Variants in RET observed in about 807,000 individuals in gnomAD.
RET encodes ret proto-oncogene.
In RET, 19 loss-of-function variants were observed where a neutral mutation model predicts 118.3. The ratio of observed to expected loss-of-function variants is 0.16; its 90% CI spans 0.11 to 0.24. The LOEUF (loss-of-function observed/expected upper bound fraction) is 0.24. Ranked by LOEUF, RET falls within the 10% of genes least tolerant of loss-of-function variation. The probability of loss-of-function intolerance (pLI) is 1.00; values close to 1 mark genes in which losing one functional copy is unlikely to be tolerated. For missense variants in RET, 1,219 were observed against 1,502.1 expected (o/e 0.81, Z 3.12); for synonymous variants, 597 against 644.1 (o/e 0.93, Z 1.11).
intron 2 of RET, 62 bp from the exon 3 acceptor site, chr10:43,102,280 C>G: frequency 7.5e-6 from 12 of 1,601,570 alleles, no homozygotes; most frequent in Non-Finnish European, 1.0e-5. Context: ...CTGCCTCCTC[C>G]CCATTCCCGA....
At chr10:43,078,167 G>A (rs1293496414) in intron 1 of RET, among the ~76,000 whole-genome samples, 2 of 152,238 alleles carry the variant, frequency 1.3e-5, no homozygotes, top group Non-Finnish European at 2.9e-5. Flanking sequence ...CTCTGGCAGA[G>A]TGAGCCGCAA....
intron 1 of RET, among the ~76,000 whole-genome samples, chr10:43,080,474 G>C (rs188369909): frequency 8.5e-5 from 13 of 152,352 alleles, no homozygotes; most frequent in Admixed American, 2.0e-4. Flanking sequence ...GGTTCTCATA[G>C]CCTATGGACT....
chr10:43,126,533 G>T lies in RET; in HGVS notation c.3040-42G>T, dbSNP rs374740703. ...GTTGTATACTGAGTTGTATCTAGTT[G>T]TGGCACATGGCTTGGAGTGACCGGC... On this transcript the variant is annotated intron_variant, in intron 18 of 19. Transcript: ENST00000355710. 13 of 1,555,370 alleles carry T rather than the reference G, an allele frequency of 8.4e-6. No individual in the cohort carries two copies. In the African/African-American group the frequency reaches 1.5e-4, roughly 18 times the overall value.
Position 43,077,349 on chromosome 10 carries a change from C to A in RET, c.73+18C>A. 1 of 1,505,074 alleles carries A rather than the reference C, an allele frequency of 6.6e-7. No homozygotes were observed. Among genetic ancestry groups the A allele is most frequent in the East Asian group, 2.6e-5 (1 of 37,842 alleles). 93.2% of individuals were successfully genotyped at this position (1,505,074 alleles called of 1,614,324 possible). ...AGGCAAAGGTGAGTTCTGCCGGCCG[C>A]CGGCTCCCGCAGGGGCCAGGGCGAA... On this transcript the variant is annotated intron_variant, in intron 1 of 19. Transcript: ENST00000355710.
chr10:43,127,936 T>C (rs1838370717), intron 19 of RET, among the ~76,000 whole-genome samples, 176 bp from the exon 20 acceptor site: 1 of 152,192 alleles, frequency 6.6e-6, no homozygotes. Flanking sequence ...GCACATGATA[T>C]TTCCCCTAAC....
At chr10:43,084,756 T>C (rs1033663281) in intron 1 of RET, among the ~76,000 whole-genome samples, 2 of 152,158 alleles carry the variant, frequency 1.3e-5, no homozygotes, top group African/African-American at 4.8e-5. Flanking sequence ...AGACCTGGAC[T>C]CTGAGGCCAC....
At chr10:43,125,356 A>AG (rs1838307306) in intron 18 of RET, among the ~76,000 whole-genome samples, 1 of 152,178 alleles carries the variant, frequency 6.6e-6, no homozygotes, top group Non-Finnish European at 1.5e-5. Flanking sequence ...CGGCTGGAGG[A>AG]GGGCAGTGAG....
At chr10:43,119,981 C>G (rs1838172695) in intron 14 of RET, 100 bp from the exon 15 acceptor site, 1 of 1,553,764 alleles carries the variant, frequency 6.4e-7, no homozygotes, top group South Asian at 1.2e-5. Context: ...CAGGCCGCTA[C>G]CCGGGCCACA....
At chr10:43,083,746 G>C (rs147293373) in intron 1 of RET, among the ~76,000 whole-genome samples, 3,284 of 152,330 alleles carry the variant, frequency 0.022, 48 homozygotes, top group Admixed American at 0.031. Context: ...GGGGACAGAG[G>C]GGGAAACAGG....
chr10:43,124,396 G>T (rs369201583), intron 17 of RET, among the ~76,000 whole-genome samples: 1 of 152,130 alleles, frequency 6.6e-6, no homozygotes, highest in African/African-American at 2.4e-5. Context: ...CAGCTGGAGC[G>T]CTGTGGTCTG....
intron 1 of RET, among the ~76,000 whole-genome samples, chr10:43,087,274 T>G (rs1275659007): frequency 6.6e-6 from 1 of 152,234 alleles, no homozygotes; most frequent in East Asian, 1.9e-4. Flanking sequence ...CCTGCCTGGC[T>G]GGAGGTCCAA....
intron 1 of RET, among the ~76,000 whole-genome samples, chr10:43,094,747 G>A (rs1192999697): frequency 6.6e-6 from 1 of 152,248 alleles, no homozygotes; most frequent in Non-Finnish European, 1.5e-5. Flanking sequence ...GTGTGCTTGT[G>A]TGTGAAAGCG....
chr10:43,096,621 G>A (rs1392978784), intron 1 of RET, among the ~76,000 whole-genome samples: 1 of 152,168 alleles, frequency 6.6e-6, no homozygotes, highest in Non-Finnish European at 1.5e-5. Flanking sequence ...CGAAGCTGGG[G>A]AAACTGAGGC....
chr10:43,100,363 C>T (rs2132654489), intron 1 of RET, 96 bp from the exon 2 acceptor site: 1 of 1,440,828 alleles, frequency 6.9e-7, no homozygotes, highest in South Asian at 1.2e-5. Context: ...AAAACTCCTG[C>T]TAAGATCGGA....
chr10:43,121,815 C>T, intron 15 of RET, 131 bp from the exon 16 acceptor site: 1 of 755,892 alleles, frequency 1.3e-6, no homozygotes, highest in South Asian at 1.4e-5. Flanking sequence ...GTGGCCAGTT[C>T]TGTGCCCAGG....
intron 1 of RET, among the ~76,000 whole-genome samples, chr10:43,094,961 C>T (rs575808163): frequency 6.6e-6 from 1 of 152,256 alleles, no homozygotes; most frequent in South Asian, 2.1e-4. Context: ...GAGACAGCCC[C>T]ACGTGGTCCC....
At chr10:43,079,854 C>T (rs1488792366) in intron 1 of RET, among the ~76,000 whole-genome samples, 1 of 152,152 alleles carries the variant, frequency 6.6e-6, no homozygotes, top group African/African-American at 2.4e-5. Flanking sequence ...TACAGCTCCC[C>T]CTGCTTCATC....
rs1838403199 is a variant in RET at position 43,129,522 on chromosome 10, A to T, written c.*1253A>T. ...ATTGCTTGTTTGTGGTCACAGATGCACAACACTCCTCCAGTCTTGTGGGGG... is the reference window on the plus strand; with the variant it reads ...ATTGCTTGTTTGTGGTCACAGATGCTCAACACTCCTCCAGTCTTGTGGGGG... On this transcript the variant is annotated 3_prime_UTR_variant, in exon 20 of 20. Coordinates refer to ENST00000355710, the MANE Select transcript of RET (RefSeq NM_020975.6). 2 of 236,232 alleles carry T rather than the reference A, an allele frequency of 8.5e-6. No individual in the cohort carries two copies. The highest frequency in any genetic ancestry group is 1.7e-5 in the Non-Finnish European group (2 of 119,974). The allele number at this position is 236,232 out of a possible 1,614,324, so 14.6% of individuals were successfully genotyped here.
chr10:43,093,989 G>A (rs964417739), intron 1 of RET, among the ~76,000 whole-genome samples: 4 of 151,628 alleles, frequency 2.6e-5, no homozygotes, highest in Middle Eastern at 3.2e-3. Flanking sequence ...GGGCTCCAGG[G>A]TGTTTGTTCA....
Sources: gnomAD v4.1 joint callset for allele counts (sites outside exome capture counted in the v4.1 genomes callset) on GRCh38, gnomAD v4.1.1 for gene constraint, MANE v1.5 for transcripts, NCBI Gene and HGNC (gene_info 2026-07-23, HGNC 2026-07-21) for gene names.